Variants in PEBP4 observed in about 807,000 individuals in gnomAD.
PEBP4 encodes the protein phosphatidylethanolamine binding protein 4.
Under a neutral mutation model 23.9 loss-of-function variants are expected in PEBP4, and 22 were observed. That is an observed-to-expected ratio of 0.92 (90% CI 0.66 to 1.31). The LOEUF is 1.31. PEBP4 is among the 40% of genes most tolerant of loss of function. The pLI, the probability that PEBP4 is intolerant of heterozygous loss-of-function variation, is 0.00. For missense variants in PEBP4, 324 were observed against 281.7 expected (o/e 1.15, Z -1.07); for synonymous variants, 112 against 99.3 (o/e 1.13, Z -0.76).
intron 3 of PEBP4, among the ~76,000 whole-genome samples, chr8:22,879,138 C>T (rs369567595): frequency 1.6e-4 from 25 of 152,302 alleles, no homozygotes; most frequent in African/African-American, 5.5e-4. Flanking sequence ...AAGCAAATAT[C>T]CCCAGTGACG....
At chr8:22,784,050 A>G (rs939344350) in intron 4 of PEBP4, among the ~76,000 whole-genome samples, 1 of 152,066 alleles carries the variant, frequency 6.6e-6, no homozygotes, top group African/African-American at 2.4e-5. Flanking sequence ...AGGTCATGCA[A>G]CCTCTCTGGG....
chr8:22,842,229 AAAACGT>A (rs966931148), intron 3 of PEBP4, among the ~76,000 whole-genome samples: 1 of 152,200 alleles, frequency 6.6e-6, no homozygotes, highest in African/African-American at 2.4e-5. Context: ...ATTGCTCTTT[AAAACGT>A]TTGGAGAAAC....
chr8:22,842,965 T>C (rs942522053), intron 3 of PEBP4, among the ~76,000 whole-genome samples: 1 of 152,206 alleles, frequency 6.6e-6, no homozygotes, highest in Non-Finnish European at 1.5e-5. Context: ...GTAGCTGTGA[T>C]TACAGGCGCC....
In PEBP4 at chr8:22,774,883, G is replaced by A. The variant is rs947403584; in HGVS notation, c.357+42754C>T. On this transcript the variant is annotated intron_variant, in intron 4 of 6. Transcript: ENST00000256404. ...TCTGACTTTCCCCCATGGTCTTCTC[G>A]GTCTGTTTCATCCCTTTTAGGTCCC... Among the ~76,000 whole-genome samples the A allele has an allele frequency of 2.6e-5, 4 of 152,048 alleles. No homozygotes were observed. The South Asian group carries it at 6.2e-4, about 24-fold the overall frequency.
chr8:22,829,579 T>C (rs556002847), intron 3 of PEBP4, among the ~76,000 whole-genome samples: 6 of 152,266 alleles, frequency 3.9e-5, no homozygotes, highest in Admixed American at 2.6e-4. Context: ...TCCTCTCCCA[T>C]TGTCTTAGTG....
intron 4 of PEBP4, among the ~76,000 whole-genome samples, chr8:22,755,147 T>C (rs1322322574): frequency 6.6e-6 from 1 of 152,126 alleles, no homozygotes; most frequent in Non-Finnish European, 1.5e-5. Context: ...TCTTGGATGA[T>C]TTAGTTGAGT....
chr8:22,824,103 A>G (rs1806918075), intron 3 of PEBP4, among the ~76,000 whole-genome samples: 2 of 152,204 alleles, frequency 1.3e-5, no homozygotes. Flanking sequence ...ACATGACTCT[A>G]TGGAGAGAAA....
intron 4 of PEBP4, among the ~76,000 whole-genome samples, chr8:22,773,503 T>C (rs1299988858): frequency 6.6e-6 from 1 of 152,104 alleles, no homozygotes. Context: ...AGCAGGCTCC[T>C]GGGGTCTCTT....
chr8:22,931,338 A>G (rs937704133), upstream of PEBP4, among the ~76,000 whole-genome samples: 1 of 152,186 alleles, frequency 6.6e-6, no homozygotes, highest in Non-Finnish European at 1.5e-5. Flanking sequence ...CAAAGTACAG[A>G]GCATTTTCAT....
intron 3 of PEBP4, among the ~76,000 whole-genome samples, chr8:22,907,672 C>G (rs557591462): frequency 6.6e-6 from 1 of 152,304 alleles, no homozygotes; most frequent in Non-Finnish European, 1.5e-5. Flanking sequence ...CTTTGGCTCT[C>G]ACTCTGGTGA....
chr8:22,935,950 A>G (rs1006085307), intron 1 of PEBP4, among the ~76,000 whole-genome samples: 13 of 152,026 alleles, frequency 8.6e-5, no homozygotes, highest in African/African-American at 2.7e-4. Context: ...AGAAGTTGTA[A>G]ATGCTTATAT....
In PEBP4 at chr8:22,905,998, C is replaced by T. The variant is rs114690668; in HGVS notation, c.258+14186G>A. Among the ~76,000 whole-genome samples, 572 of 152,286 alleles carry T rather than the reference C, an allele frequency of 3.8e-3. 1 individual carries two copies. Among genetic ancestry groups the T allele is most frequent in the African/African-American group, 0.011 (476 of 41,554 alleles). ...ATTCCAAACCTGAAATTACCCATCA[C>T]TCTATTTGCAAGATGAAGAGTTTGA... On this transcript the variant is annotated intron_variant, in intron 3 of 6. Transcript: ENST00000256404.
chr8:22,938,197 C>G (rs950829679), intron 1 of PEBP4, among the ~76,000 whole-genome samples: 2 of 152,096 alleles, frequency 1.3e-5, no homozygotes, highest in Non-Finnish European at 2.9e-5. Context: ...TCTAGAACCC[C>G]CTTCGACAAC....
At chr8:22,766,311 A>G (rs1378384488) in intron 4 of PEBP4, among the ~76,000 whole-genome samples, 2 of 152,240 alleles carry the variant, frequency 1.3e-5, no homozygotes, top group Non-Finnish European at 2.9e-5. Context: ...TGCCAAACAA[A>G]GTGGAAGAAG....
At chr8:22,903,136 C>T (rs752694529) in intron 3 of PEBP4, among the ~76,000 whole-genome samples, 7 of 152,120 alleles carry the variant, frequency 4.6e-5, no homozygotes, top group South Asian at 2.1e-4. Flanking sequence ...AGAATCACCC[C>T]GGAAACCGCG....
intron 4 of PEBP4, among the ~76,000 whole-genome samples, chr8:22,799,007 G>C (rs2128758390): frequency 1.3e-5 from 2 of 151,892 alleles, no homozygotes; most frequent in African/African-American, 4.8e-5. Context: ...CAAAGCCCTG[G>C]GATTACAGGA....
chr8:22,859,121 A>G (rs571525901), intron 3 of PEBP4, among the ~76,000 whole-genome samples: 1 of 152,328 alleles, frequency 6.6e-6, no homozygotes, highest in Admixed American at 6.5e-5. Flanking sequence ...TCTACTTTCA[A>G]TAAGTAAACC....
intron 4 of PEBP4, among the ~76,000 whole-genome samples, chr8:22,760,721 A>T (rs756469198): frequency 6.6e-6 from 1 of 152,180 alleles, no homozygotes; most frequent in African/African-American, 2.4e-5. Context: ...TCAATATGCT[A>T]GCAAGTGCTT....
intron 4 of PEBP4, among the ~76,000 whole-genome samples, chr8:22,797,369 A>G (rs569850244): frequency 1.1e-4 from 17 of 152,108 alleles, no homozygotes; most frequent in Admixed American, 7.9e-4. Flanking sequence ...GGCCGAGGTG[A>G]TCATGCAGCC....
Sources: allele counts gnomAD v4.1 joint callset (sites outside exome capture counted in the v4.1 genomes callset), GRCh38; gene constraint gnomAD v4.1.1; transcripts MANE v1.5; gene names NCBI Gene and HGNC (gene_info 2026-07-23, HGNC 2026-07-21).